NAV2: variants seen among roughly 807,000 people sequenced by gnomAD.
NAV2 encodes neuron navigator 2, also known as helicase, APC down-regulated 1.
In NAV2, 54 loss-of-function variants were observed where a neutral mutation model predicts 223.2. The ratio of observed to expected loss-of-function variants is 0.24; its 90% CI spans 0.19 to 0.30. The LOEUF is 0.30. Ranked by LOEUF, NAV2 falls within the 10% of genes least tolerant of loss-of-function variation. NAV2 has a pLI of 1.00. For synonymous variants in NAV2, 1,279 were observed against 1,239.3 expected (o/e 1.03, Z -0.67); for missense variants, 2,806 against 3,147.5 (o/e 0.89, Z 2.60).
At position 19,766,946 on chromosome 11, in the gene NAV2, C is replaced by T. The variant is rs139296453; in HGVS notation, c.267+52984C>T. On this transcript the variant is annotated intron_variant, in intron 1 of 37. Coordinates refer to ENST00000349880, the MANE Select transcript of NAV2 (RefSeq NM_145117.5). ...CTGCAGGGGATGATCCTGTGGAAGG[C>T]TCCAGGAGGACTTGGTACCCTACAC... Among the ~76,000 whole-genome samples, 302 of 152,270 alleles carry T rather than the reference C, an allele frequency of 2.0e-3. 1 individual carries two copies. The highest frequency in any genetic ancestry group is 0.017 in the Middle Eastern group (5 of 294).
rs2057800571 is a variant in NAV2 at position 20,049,844 on chromosome 11, C to T, written c.4379C>T (p.Ser1460Phe). Residue 1460 changes from serine (S) to phenylalanine (F), a missense_variant, in exon 16 of 38, where the codon TCT becomes TTT. Ser to Phe is a radical substitution (Grantham distance 155, BLOSUM62 -2). Transcript: ENST00000349880. Reference protein sequence around the residue: ...VKTTLSESPLSSPAASPKFCR... With the variant: ...VKTTLSESPLFSPAASPKFCR... ...CCTGCCTGGACTTCTAGCCCTCTCT[C>T]TTCCCCTGCTGCTAGCCCTAAGTTC... is the stretch of plus-strand genomic sequence containing the variant. 3 of 1,614,048 alleles carry T rather than the reference C, an allele frequency of 1.9e-6. No homozygotes were observed. Among genetic ancestry groups the T allele is most frequent in the Non-Finnish European group, 2.5e-6 (3 of 1,180,008 alleles).
At chr11:19,533,373 G>A (rs2044086094) in intron 1 of NAV2, among the ~76,000 whole-genome samples, 1 of 151,874 alleles carries the variant, frequency 6.6e-6, no homozygotes, top group South Asian at 2.1e-4. Context: ...CAGTCATTGT[G>A]AAATGTTCTT....
chr11:19,381,689 A>C (rs2133931953), intron 1 of NAV2, among the ~76,000 whole-genome samples: 1 of 152,316 alleles, frequency 6.6e-6, no homozygotes, highest in East Asian at 1.9e-4. Flanking sequence ...GGAGAGGAAC[A>C]GGTCAGCACT....
intron 6 of NAV2, among the ~76,000 whole-genome samples, chr11:19,921,967 T>C (rs1803057197): frequency 6.6e-6 from 1 of 152,250 alleles, no homozygotes; most frequent in Non-Finnish European, 1.5e-5. Flanking sequence ...TATTTTGCCA[T>C]GGAAAATTTT....
chr11:19,553,654 T>C (rs1447673303), intron 1 of NAV2, among the ~76,000 whole-genome samples: 2 of 152,254 alleles, frequency 1.3e-5, no homozygotes, highest in Admixed American at 6.5e-5. Flanking sequence ...CTGGGAAGGA[T>C]TGTTTGTAAC....
chr11:19,780,723 G>A (rs1227710702), intron 1 of NAV2, among the ~76,000 whole-genome samples: 2 of 152,232 alleles, frequency 1.3e-5, no homozygotes, highest in Non-Finnish European at 2.9e-5. Context: ...TCAGCGTTCT[G>A]CAATTAGTTG....
intron 1 of NAV2, among the ~76,000 whole-genome samples, chr11:19,676,797 A>G (rs544871369): frequency 2.0e-5 from 3 of 152,286 alleles, no homozygotes; most frequent in South Asian, 4.1e-4. Flanking sequence ...GACTCAATTC[A>G]TCTTCTAAGG....
At chr11:19,515,638 C>A (rs150615272) in intron 1 of NAV2, among the ~76,000 whole-genome samples, 72 of 152,230 alleles carry the variant, frequency 4.7e-4, no homozygotes, top group African/African-American at 1.7e-3. Flanking sequence ...AGTTTGACAA[C>A]CCAGAGTACA....
intron 3 of NAV2, among the ~76,000 whole-genome samples, chr11:19,864,449 T>C (rs1051678344): frequency 1.9e-4 from 29 of 152,234 alleles, no homozygotes; most frequent in Non-Finnish European, 2.5e-4. Flanking sequence ...TTCCGAGGTT[T>C]GCATATTTTA....
intron 1 of NAV2, among the ~76,000 whole-genome samples, chr11:19,644,573 T>A (rs529248589): frequency 6.6e-6 from 1 of 152,320 alleles, no homozygotes; most frequent in East Asian, 1.9e-4. Flanking sequence ...GCTTTGAGGA[T>A]CCCTCAGCCG....
At chr11:19,862,005 T>A (rs147071658) in intron 3 of NAV2, among the ~76,000 whole-genome samples, 114 of 152,324 alleles carry the variant, frequency 7.5e-4, no homozygotes, top group African/African-American at 2.5e-3. Flanking sequence ...CCCTCCCAGG[T>A]TGCTTTCTTT....
At chr11:19,940,734 C>A (rs753748532) in intron 8 of NAV2, among the ~76,000 whole-genome samples, 9 of 152,194 alleles carry the variant, frequency 5.9e-5, no homozygotes, top group Non-Finnish European at 1.0e-4. Context: ...TAGCAATTAG[C>A]CCCAGTGATT....
chr11:19,362,967 A>G (rs963679542), intron 1 of NAV2, among the ~76,000 whole-genome samples: 1 of 152,214 alleles, frequency 6.6e-6, no homozygotes, highest in African/African-American at 2.4e-5. Context: ...TGTCTTTACA[A>G]CAATCTGATG....
intron 1 of NAV2, among the ~76,000 whole-genome samples, chr11:19,416,253 G>A (rs1008350867): frequency 2.0e-5 from 3 of 152,100 alleles, no homozygotes; most frequent in Non-Finnish European, 4.4e-5. Context: ...AAAGTCTCAG[G>A]ATACAAAATC....
At chr11:19,818,231 A>ATTTTTTTTTTTTTTTT (rs34649376) in intron 1 of NAV2, among the ~76,000 whole-genome samples, 1 of 56,022 alleles carries the variant, frequency 1.8e-5, no homozygotes, top group African/African-American at 8.7e-5. Flanking sequence ...GTATTTAGTG[A>ATTTTTTTTTTTTTTTT]TTTTTTTTTT....
At chr11:19,393,114 T>C (rs527937753) in intron 1 of NAV2, among the ~76,000 whole-genome samples, 1 of 152,330 alleles carries the variant, frequency 6.6e-6, no homozygotes, top group African/African-American at 2.4e-5. Flanking sequence ...CCCTGCAGCC[T>C]AAAGTCATAC....
chr11:19,740,150 A>G (rs957182518), intron 1 of NAV2, among the ~76,000 whole-genome samples: 1 of 152,176 alleles, frequency 6.6e-6, no homozygotes, highest in Non-Finnish European at 1.5e-5. Context: ...ACAGTAAAAC[A>G]TACAAGGAAC....
chr11:19,347,725 A>G (rs1853083159), upstream of NAV2, among the ~76,000 whole-genome samples: 1 of 152,194 alleles, frequency 6.6e-6, no homozygotes, highest in Non-Finnish European at 1.5e-5. Context: ...CCATTGCTGC[A>G]TTTAGGGATC....
intron 1 of NAV2, among the ~76,000 whole-genome samples, chr11:19,774,688 G>T (rs1188175183): frequency 6.6e-6 from 1 of 152,178 alleles, no homozygotes; most frequent in Non-Finnish European, 1.5e-5. Flanking sequence ...CTGGGTAAGT[G>T]CATCATGGTA....
Sources: allele counts gnomAD v4.1 joint callset (sites outside exome capture counted in the v4.1 genomes callset), GRCh38; gene constraint gnomAD v4.1.1; transcripts MANE v1.5; gene names NCBI Gene and HGNC (gene_info 2026-07-23, HGNC 2026-07-21).